The following GRID2 variants were observed in gnomAD, a reference collection of about 807,000 sequenced individuals.
GRID2 encodes the protein glutamate receptor ionotropic, delta-2.
In GRID2, 33 loss-of-function variants were observed where a neutral mutation model predicts 114.8. The ratio of observed to expected loss-of-function variants is 0.29; its 90% CI spans 0.22 to 0.38. The LOEUF is 0.38. Ranked by LOEUF, GRID2 falls within the 10% of genes least tolerant of loss-of-function variation. The pLI is 1.00. For synonymous variants in GRID2, 505 were observed against 449.9 expected, an observed-to-expected ratio of 1.12 and a Z score of -1.55; for missense variants, 1,184 against 1,257.7, an observed-to-expected ratio of 0.94 and a Z score of 0.89.
At chr4:93,688,183 A>G (rs1431472738) in intron 14 of GRID2, among the ~76,000 whole-genome samples, 3 of 151,980 alleles carry the variant, frequency 2.0e-5, no homozygotes, top group Non-Finnish European at 4.4e-5. Flanking sequence ...GCTGTCTCAG[A>G]AAATAAAAAC....
At chr4:93,559,017 CT>C (rs1358297317) in intron 13 of GRID2, among the ~76,000 whole-genome samples, 1 of 152,060 alleles carries the variant, frequency 6.6e-6, no homozygotes, top group East Asian at 1.9e-4. Flanking sequence ...CAGAAAAGGC[CT>C]TTGACAAAAT....
At chr4:92,630,706 T>C (rs575525633) in intron 2 of GRID2, among the ~76,000 whole-genome samples, 7 of 152,062 alleles carry the variant, frequency 4.6e-5, no homozygotes, top group African/African-American at 1.7e-4. Flanking sequence ...ATTAATAGTT[T>C]GTCAGTTTCC....
At chr4:93,288,393 G>A (rs1431573360) in intron 8 of GRID2, among the ~76,000 whole-genome samples, 1 of 152,182 alleles carries the variant, frequency 6.6e-6, no homozygotes, top group East Asian at 1.9e-4. Flanking sequence ...GGTTTCTGGT[G>A]CTTGGGGTCC....
chr4:92,430,112 G>A (rs1458993307), intron 1 of GRID2, among the ~76,000 whole-genome samples: 3 of 152,028 alleles, frequency 2.0e-5, no homozygotes, highest in Non-Finnish European at 4.4e-5. Context: ...AACTTGATGT[G>A]ATCAAATTTG....
At chr4:92,997,693 G>T (rs1325490523) in intron 2 of GRID2, among the ~76,000 whole-genome samples, 1 of 152,058 alleles carries the variant, frequency 6.6e-6, no homozygotes. Context: ...TTATCGCTCT[G>T]ATTCTCAGTT....
Position 92,652,849 on chromosome 4 carries a change from A to G in GRID2, c.244+62563A>G, listed in dbSNP as rs182565545. 2.7e-3 allele frequency among the ~76,000 whole-genome samples: 260 copies of G among 95,700 alleles called. 10 individuals carry two copies. Among genetic ancestry groups the G allele is most frequent in the Non-Finnish European group, 4.9e-3 (219 of 45,072 alleles). The allele number at this position is 95,700 out of a possible 152,430, so 62.8% of individuals were successfully genotyped here. A position where few individuals can be genotyped will look rare whatever the true frequency, so the allele number is the denominator to read the frequency against. On this transcript the variant is annotated intron_variant, in intron 2 of 15. Transcript: ENST00000282020. ...AATATATATAAATTTATAAATATAT[A>G]TATAATATATAAATACATATAAATA... is the stretch of plus-strand genomic sequence containing the variant.
At position 93,098,982 on chromosome 4, in the gene GRID2, T is replaced by A. The variant is rs547860930; in HGVS notation, c.530-11766T>A. ...GACAGATGATTGTATTAAAGAAAGATCATTTCCTGTGTGTGTGTGTGTGTG... is the reference window on the plus strand; with the variant it reads ...GACAGATGATTGTATTAAAGAAAGAACATTTCCTGTGTGTGTGTGTGTGTG... On this transcript the variant is annotated intron_variant, in intron 3 of 15. Coordinates refer to ENST00000282020, the MANE Select transcript of GRID2 (RefSeq NM_001510.4). 2.8e-5 allele frequency among the ~76,000 whole-genome samples: 4 copies of A among 145,446 alleles called. No homozygotes were observed. The South Asian group carries it at 8.9e-4, about 32-fold the overall frequency.
chr4:92,650,280 T>C (rs550567562), intron 2 of GRID2, among the ~76,000 whole-genome samples: 1 of 151,768 alleles, frequency 6.6e-6, no homozygotes, highest in Non-Finnish European at 1.5e-5. Context: ...CCATTTCATA[T>C]TCCCTTTGCC....
rs547498362 is a variant in GRID2 at position 92,682,563 on chromosome 4, T to G, written c.244+92277T>G. 5.9e-5 allele frequency among the ~76,000 whole-genome samples: 9 copies of G among 152,260 alleles called. No individual in the cohort carries two copies. In the South Asian group the frequency reaches 1.9e-3, roughly 32 times the overall value. On this transcript the variant is annotated intron_variant, in intron 2 of 15. Coordinates refer to ENST00000282020, the MANE Select transcript of GRID2 (RefSeq NM_001510.4). ...TTCAAACCCAGCCAAGGAAAAAAAC[T>G]GGGAAGATTGCTGTTTGTTATTGGT...
intron 1 of GRID2, among the ~76,000 whole-genome samples, chr4:92,445,346 A>T (rs1335497752): frequency 6.6e-6 from 1 of 152,214 alleles, no homozygotes; most frequent in Admixed American, 6.5e-5. Flanking sequence ...TCACCCTTCA[A>T]GTACCATATC....
chr4:93,527,823 T>C (rs1165903118), intron 13 of GRID2, among the ~76,000 whole-genome samples: 1 of 152,078 alleles, frequency 6.6e-6, no homozygotes, highest in Non-Finnish European at 1.5e-5. Context: ...ACAGCCCTTT[T>C]TCTTGCAAAA....
Position 92,334,665 on chromosome 4 carries a change from C to T in GRID2, c.88+29921C>T, listed in dbSNP as rs543203766. ...TGACATTAATGCCCACAAGGTAGAGCTCTCGTGATGTAATCAGCTCTTAAA... is the reference window on the plus strand; with the variant it reads ...TGACATTAATGCCCACAAGGTAGAGTTCTCGTGATGTAATCAGCTCTTAAA... On this transcript the variant is annotated intron_variant, in intron 1 of 15. Coordinates refer to ENST00000282020, the MANE Select transcript of GRID2 (RefSeq NM_001510.4). Among the ~76,000 whole-genome samples, 41 of 152,186 alleles carry T rather than the reference C, an allele frequency of 2.7e-4. No individual in the cohort carries two copies. The South Asian group carries it at 8.3e-3, about 31-fold the overall frequency.
chr4:93,066,670 T>C (rs1054448491), intron 2 of GRID2, among the ~76,000 whole-genome samples: 1 of 151,978 alleles, frequency 6.6e-6, no homozygotes, highest in African/African-American at 2.4e-5. Context: ...ATAAAATACT[T>C]TTTCTTATCA....
chr4:92,339,124 C>T (rs953106252), intron 1 of GRID2, among the ~76,000 whole-genome samples: 2 of 152,046 alleles, frequency 1.3e-5, no homozygotes, highest in Non-Finnish European at 1.5e-5. Context: ...TTAGGTGAAC[C>T]ATTATAATTC....
intron 14 of GRID2, among the ~76,000 whole-genome samples, chr4:93,703,581 G>C (rs2110145833): frequency 6.6e-6 from 1 of 151,820 alleles, no homozygotes; most frequent in African/African-American, 2.4e-5. Context: ...TGCCATGTTG[G>C]TGTGCTGCAC....
At chr4:92,432,159 G>C (rs997255349) in intron 1 of GRID2, among the ~76,000 whole-genome samples, 1 of 152,044 alleles carries the variant, frequency 6.6e-6, no homozygotes, top group Non-Finnish European at 1.5e-5. Flanking sequence ...GCATCTTTGT[G>C]GCCACCACCA....
At chr4:93,276,997 T>C (rs1400818677) in intron 8 of GRID2, among the ~76,000 whole-genome samples, 1 of 151,866 alleles carries the variant, frequency 6.6e-6, no homozygotes, top group African/African-American at 2.4e-5. Flanking sequence ...TTTAAGAAGA[T>C]ATTTGATATG....
chr4:93,524,823 G>GTATATATATATATA (rs1300787035), intron 13 of GRID2, among the ~76,000 whole-genome samples: 5 of 59,910 alleles, frequency 8.3e-5, no homozygotes, highest in East Asian at 9.8e-4. Context: ...ATGTATGTAT[G>GTATATATATATATA]TATATATATA....
chr4:93,230,660 T>C (rs142285012), intron 7 of GRID2, among the ~76,000 whole-genome samples: 1 of 152,126 alleles, frequency 6.6e-6, no homozygotes, highest in Non-Finnish European at 1.5e-5. Context: ...TAGTTTTAAA[T>C]ACCAGGTTTT....
Sources: allele counts gnomAD v4.1 joint callset (sites outside exome capture counted in the v4.1 genomes callset), GRCh38; gene constraint gnomAD v4.1.1; transcripts MANE v1.5; gene names NCBI Gene and HGNC (gene_info 2026-07-23, HGNC 2026-07-21).